RANGRF: variants seen among roughly 807,000 people sequenced by gnomAD.
The protein encoded by RANGRF is RAN guanine nucleotide release factor, also known as MOG1 homolog.
A neutral mutation model predicts 21.8 loss-of-function variants in RANGRF; 17 were observed. That is an observed-to-expected ratio of 0.78 (90% confidence interval 0.53 to 1.17). The LOEUF (loss-of-function observed/expected upper bound fraction) is 1.17. Ranked by LOEUF, RANGRF falls within the 50% of genes most tolerant of loss-of-function variation. The probability of loss-of-function intolerance (pLI) is 0.00; values close to 1 mark genes in which losing one functional copy is unlikely to be tolerated. For synonymous variants in RANGRF, 97 were observed against 94.3 expected (o/e 1.03, Z -0.17); for missense variants, 225 against 235.5 (o/e 0.96, Z 0.29).
In RANGRF at chr17:8,288,995, C is replaced by A; in HGVS notation, c.117C>A (p.Cys39Ter). ...TCCCGGACAATCAAGAAGTTTTCTG[C>A]CATCCCGTGACGGACCAGAGCCTGA... ...RPVPDNQEVF[C>*]HPVTDQSLIV... The change falls in exon 2 of 5, where the codon TGC (cysteine) becomes TGA (stop). Residue 39 changes from cysteine to a stop codon, truncating the protein, a stop_gained. Coordinates refer to ENST00000226105, the MANE Select transcript of RANGRF (RefSeq NM_016492.5). LOFTEE classifies it high-confidence loss of function. The A allele has an allele frequency of 6.2e-7, 1 of 1,614,160 alleles. No homozygotes were observed. The highest frequency in any genetic ancestry group is 8.5e-7 in the Non-Finnish European group (1 of 1,180,042).
chr17:8,289,926 G>T lies in RANGRF; in HGVS notation c.551G>T (p.Gly184Val), dbSNP rs547041882. The change falls in exon 5 of 5, where the codon GGT (glycine) becomes GTT (valine). Residue 184 changes from glycine (G) to valine (V), a missense_variant. By Grantham distance (109) the Gly-to-Val change is moderately radical (BLOSUM62 -3). Coordinates refer to ENST00000226105, the MANE Select transcript of RANGRF (RefSeq NM_016492.5). Reference protein sequence around the residue: ...SLTLHDPNIFGPQ With the variant: ...SLTLHDPNIFVPQ Reference sequence around the variant, plus strand: ...ACCCTTCACGATCCTAACATCTTTGGTCCCCAGTAAAGGCGCTGAAGCACT... The same window carrying T: ...ACCCTTCACGATCCTAACATCTTTGTTCCCCAGTAAAGGCGCTGAAGCACT... The T allele has an allele frequency of 5.6e-6, 9 of 1,614,114 alleles. No individual in the cohort carries two copies. In the South Asian group the frequency reaches 7.7e-5, roughly 14 times the overall value.
chr17:8,289,804 C>T lies in RANGRF; in HGVS notation c.438-9C>T, dbSNP rs776863382. 3 of 1,613,666 alleles carry T rather than the reference C, an allele frequency of 1.9e-6. No homozygotes were observed. The highest frequency in any genetic ancestry group is 1.7e-6 in the Non-Finnish European group (2 of 1,180,034). On this transcript the variant is annotated splice_polypyrimidine_tract_variant and intron_variant, in intron 4 of 4. Transcript: ENST00000226105. ...GATGTTCTGTCTCCATCTGTTCCCC[C>T]ACCCCAAGCCCTGACAACAGGTCAT...
rs540094384 is a variant in RANGRF at position 8,290,035 on chromosome 17, T to C, written c.*99T>C. On this transcript the variant is annotated 3_prime_UTR_variant, in exon 5 of 5. Transcript: ENST00000226105. ...AGAGGGTTTCCTCTTATTTCTTCCCTGTGCGTAAACATAAGACAATCCCTC... is the reference window on the plus strand; with the variant it reads ...AGAGGGTTTCCTCTTATTTCTTCCCCGTGCGTAAACATAAGACAATCCCTC... 9 of 1,600,966 alleles carry C rather than the reference T, an allele frequency of 5.6e-6. No homozygotes were observed. In the South Asian group the frequency reaches 8.9e-5, roughly 16 times the overall value.
In RANGRF at chr17:8,288,808, G is replaced by T. The variant is rs369657952; in HGVS notation, c.20G>T (p.Cys7Phe). The T allele has an allele frequency of 1.5e-5, 24 of 1,614,046 alleles. No individual in the cohort carries two copies. Among genetic ancestry groups the T allele is most frequent in the Non-Finnish European group, 1.9e-5 (23 of 1,180,050 alleles). ...AGACCCATGGAGCCCACGAGAGACT[G>T]CCCGCTGTTCGGGGGCGCCTTTTCC... MEPTRD[C>F]PLFGGAFSAI... Residue 7 changes from cysteine (C) to phenylalanine (F), a missense_variant, in exon 1 of 5, where the codon TGC (cysteine) becomes TTC (phenylalanine). Physicochemically the swap from Cys to Phe is radical, Grantham distance 205. Coordinates refer to ENST00000226105, the MANE Select transcript of RANGRF (RefSeq NM_016492.5).
intron 2 of RANGRF, 44 bp downstream of exon 2, chr17:8,289,116 G>GGACCAGTGGGCGGGGCCC (rs2151609011): frequency 6.2e-7 from 1 of 1,604,820 alleles, no homozygotes; most frequent in South Asian, 1.1e-5. Flanking sequence ...GGGCGGGGTC[G>GGACCAGTGGGCGGGGCCC]GACCAGTGGG....
Position 8,289,828 on chromosome 17 carries a change from A to G in RANGRF, c.453A>G (p.Ser151=). 6.2e-7 allele frequency: 1 copy of G among 1,614,050 alleles called. No individual in the cohort carries two copies. The highest frequency in any genetic ancestry group is 8.5e-7 in the Non-Finnish European group (1 of 1,180,046). Residue 151 remains serine, a synonymous_variant, in exon 5 of 5, where the codon TCA becomes TCG. Coordinates refer to ENST00000226105, the MANE Select transcript of RANGRF (RefSeq NM_016492.5). ...CCACCCCAAGCCCTGACAACAGGTC[A>G]TCTCTTGGCCCCGAAAATCTGTCAC... The part of the protein sequence containing the change: ...TFNQPPPDNR[S]SLGPENLSPA...
In RANGRF at chr17:8,288,769, C is replaced by T. The variant is rs1375914343; in HGVS notation, c.-20C>T. ...ACTTCTTTTAAACCTTTCTAATGCC[C>T]ATAACCCAGCCTCAGACCCATGGAG... On this transcript the variant is annotated 5_prime_UTR_variant, in exon 1 of 5. Coordinates refer to ENST00000226105, the MANE Select transcript of RANGRF (RefSeq NM_016492.5). 6.2e-7 allele frequency: 1 copy of T among 1,613,716 alleles called. No individual in the cohort carries two copies. The highest frequency in any genetic ancestry group is 1.1e-5 in the South Asian group (1 of 91,080).
intron 2 of RANGRF, 78 bp downstream of exon 2, chr17:8,289,150 TC>T: frequency 1.2e-6 from 2 of 1,601,590 alleles, no homozygotes; most frequent in South Asian, 1.1e-5. Flanking sequence ...CGACGGTTAA[TC>T]CGGGCGGTGA....
rs1243962438 is a variant in RANGRF, at chr17:8,289,018, T to C, written c.140T>C (p.Leu47Pro). The C allele has an allele frequency of 1.2e-6, 2 of 1,614,074 alleles. No individual in the cohort carries two copies. The highest frequency in any genetic ancestry group is 2.2e-5 in the South Asian group (2 of 91,088). Residue 47 changes from leucine to proline, a missense_variant, in exon 2 of 5, where the codon CTG becomes CCG. Coordinates refer to ENST00000226105, the MANE Select transcript of RANGRF (RefSeq NM_016492.5). ...TGCCATCCCGTGACGGACCAGAGCC[T>C]GATAGTGGAACTTCTCGAGCTGCAG... Reference protein sequence around the residue: ...VFCHPVTDQSLIVELLELQAH... With the variant: ...VFCHPVTDQSPIVELLELQAH...
Position 8,288,864 on chromosome 17 carries a change from A to C in RANGRF, c.76A>C (p.Ser26Arg). Residue 26 changes from serine (S) to arginine (R), a missense_variant and splice_region_variant, in exon 1 of 5, where the codon AGC (serine) becomes CGC (arginine). Coordinates refer to ENST00000226105, the MANE Select transcript of RANGRF (RefSeq NM_016492.5). Reference sequence around the variant, plus strand: ...CCTCCCCATGGGGGCCATTGACGTAAGGTGAGAAGGCCGGGGCGCCCAGGG... The same window carrying C: ...CCTCCCCATGGGGGCCATTGACGTACGGTGAGAAGGCCGGGGCGCCCAGGG... ...AILPMGAIDV[S>R]DLRPVPDNQE... 6.2e-7 allele frequency: 1 copy of C among 1,614,204 alleles called. No individual in the cohort carries two copies. The highest frequency in any genetic ancestry group is 8.5e-7 in the Non-Finnish European group (1 of 1,180,018).
At position 8,289,971 on chromosome 17, in the gene RANGRF, T is replaced by C. The variant is rs552954632; in HGVS notation, c.*35T>C. ...AGCACTGCATGATGTTGCTGAGAAC[T>C]TGGGGACTCGGTTCTGTGAGGGGGA... On this transcript the variant is annotated 3_prime_UTR_variant, in exon 5 of 5. Transcript: ENST00000226105. The C allele has an allele frequency of 1.1e-5, 17 of 1,613,236 alleles. 1 individual carries two copies. The Admixed American group carries it at 2.2e-4, about 21-fold the overall frequency.
chr17:8,290,074 T>G lies in RANGRF; in HGVS notation c.*138T>G, dbSNP rs1447614861. ...AGACAATCCCTCTTCAGAATAAACTTGCTTTATAATCAATATAATCTCTGT... is the reference window on the plus strand; with the variant it reads ...AGACAATCCCTCTTCAGAATAAACTGGCTTTATAATCAATATAATCTCTGT... On this transcript the variant is annotated 3_prime_UTR_variant, in exon 5 of 5. Transcript: ENST00000226105. 6 of 1,547,216 alleles carry G rather than the reference T, an allele frequency of 3.9e-6. No individual in the cohort carries two copies. In the African/African-American group the frequency reaches 8.3e-5, roughly 21 times the overall value.
At position 8,288,755 on chromosome 17, in the gene RANGRF, A is replaced by T; in HGVS notation, c.-34A>T. On this transcript the variant is annotated 5_prime_UTR_variant, in exon 1 of 5. Transcript: ENST00000226105. ...GTGACCCAATGTGGACTTCTTTTAA[A>T]CCTTTCTAATGCCCATAACCCAGCC... 6.2e-7 allele frequency: 1 copy of T among 1,611,702 alleles called. No homozygotes were observed. Among genetic ancestry groups the T allele is most frequent in the African/African-American group, 1.3e-5 (1 of 74,974 alleles).
At chr17:8,289,202 T>A in intron 2 of RANGRF, 56 bp from the exon 3 acceptor site, 1 of 1,606,138 alleles carries the variant, frequency 6.2e-7, no homozygotes. Flanking sequence ...AACTTAAAGA[T>A]GCTCCCGGGG....
intron 4 of RANGRF, 98 bp downstream of exon 4, chr17:8,289,686 A>G (rs1324115052): frequency 1.2e-6 from 2 of 1,608,718 alleles, no homozygotes; most frequent in Non-Finnish European, 1.7e-6. Flanking sequence ...GGGATCCTCC[A>G]AGGAAGCAGG....
chr17:8,289,796 T>C lies in RANGRF; in HGVS notation c.438-17T>C. On this transcript the variant is annotated splice_polypyrimidine_tract_variant and intron_variant, in intron 4 of 4. Transcript: ENST00000226105. ...GCCTGGATGATGTTCTGTCTCCATC[T>C]GTTCCCCCACCCCAAGCCCTGACAA... is the stretch of plus-strand genomic sequence containing the variant. 6.2e-7 allele frequency: 1 copy of C among 1,613,700 alleles called. No individual in the cohort carries two copies. Among genetic ancestry groups the C allele is most frequent in the South Asian group, 1.1e-5 (1 of 91,070 alleles).
At position 8,288,681 on chromosome 17, in the gene RANGRF, C is replaced by A; in HGVS notation, c.-108C>A. ...ATCTTAAAGGATCCGGGAGCTAAGC[C>A]AGACCCGGGTGGCGGTGGCAGCTGC... On this transcript the variant is annotated 5_prime_UTR_variant, in exon 1 of 5. Coordinates refer to ENST00000226105, the MANE Select transcript of RANGRF (RefSeq NM_016492.5). 7.8e-7 allele frequency: 1 copy of A among 1,286,976 alleles called. No homozygotes were observed. Among genetic ancestry groups the A allele is most frequent in the Non-Finnish European group, 1.1e-6 (1 of 886,870 alleles). The allele number at this position is 1,286,976 out of a possible 1,614,324, so 79.7% of individuals were successfully genotyped here.
rs1990276805 is a variant in RANGRF at position 8,289,156 on chromosome 17, C to T, written c.194+84C>T. The T allele has an allele frequency of 3.8e-6, 6 of 1,599,134 alleles. No individual in the cohort carries two copies. The Admixed American group carries it at 5.0e-5, about 13-fold the overall frequency. ...GCCCGCGGCCGACGGTTAATCCGGGCGGTGAGACCACGCACGGGCCGGGAG... is the reference window on the plus strand; with the variant it reads ...GCCCGCGGCCGACGGTTAATCCGGGTGGTGAGACCACGCACGGGCCGGGAG... On this transcript the variant is annotated intron_variant, in intron 2 of 4. Transcript: ENST00000226105.
rs1175151899 is a variant in RANGRF, at chr17:8,289,982, G to C, written c.*46G>C. On this transcript the variant is annotated 3_prime_UTR_variant, in exon 5 of 5. Transcript: ENST00000226105. ...ATGTTGCTGAGAACTTGGGGACTCG[G>C]TTCTGTGAGGGGGAAAAGAGGTTGA... 6.2e-7 allele frequency: 1 copy of C among 1,612,330 alleles called. No homozygotes were observed. Among genetic ancestry groups the C allele is most frequent in the Non-Finnish European group, 8.5e-7 (1 of 1,178,426 alleles).
Sources: gnomAD v4.1 joint callset for allele counts on GRCh38, gnomAD v4.1.1 for gene constraint, MANE v1.5 for transcripts, NCBI Gene and HGNC (gene_info 2026-07-23, HGNC 2026-07-21) for gene names.